Variants in CCDC3 observed in about 807,000 individuals in gnomAD.
CCDC3 encodes coiled-coil domain containing 3.
Under a neutral mutation model 21.4 loss-of-function variants are expected in CCDC3, and 24 were observed. That is an observed-to-expected ratio of 1.12 (90% CI 0.81 to 1.58). The LOEUF (loss-of-function observed/expected upper bound fraction) is 1.58. CCDC3 is among the 40% of genes most tolerant of loss of function. CCDC3 has a pLI of 0.00. For synonymous variants in CCDC3, 186 were observed against 166.0 expected (o/e 1.12, Z -0.93); for missense variants, 425 against 360.9 (o/e 1.18, Z -1.44).
intron 2 of CCDC3, among the ~76,000 whole-genome samples, chr10:12,915,272 C>G (rs1834333961): frequency 6.6e-6 from 1 of 152,302 alleles, no homozygotes; most frequent in South Asian, 2.1e-4. Context: ...GGAGAATTCT[C>G]TGTGTGCACC....
At chr10:12,921,637 T>C (rs1036930097) in intron 2 of CCDC3, among the ~76,000 whole-genome samples, 3 of 152,268 alleles carry the variant, frequency 2.0e-5, no homozygotes, top group Non-Finnish European at 4.4e-5. Flanking sequence ...TACAATTACA[T>C]TGTTGTGCAA....
At chr10:12,995,898 A>G (rs1216784424) in intron 2 of CCDC3, among the ~76,000 whole-genome samples, 1 of 152,234 alleles carries the variant, frequency 6.6e-6, no homozygotes, top group Non-Finnish European at 1.5e-5. Context: ...TGATGGAAAA[A>G]TCTAATTCCA....
At chr10:12,926,998 A>C (rs1185496194) in intron 2 of CCDC3, among the ~76,000 whole-genome samples, 1 of 152,212 alleles carries the variant, frequency 6.6e-6, no homozygotes, top group Non-Finnish European at 1.5e-5. Context: ...TTGGAAAAAA[A>C]GGGATGTTAA....
intron 2 of CCDC3, among the ~76,000 whole-genome samples, chr10:12,914,600 A>G (rs750634490): frequency 2.0e-5 from 3 of 151,864 alleles, no homozygotes; most frequent in Non-Finnish European, 4.4e-5. Flanking sequence ...ATACACCACC[A>G]TGCCTGGTTA....
intron 2 of CCDC3, among the ~76,000 whole-genome samples, chr10:12,961,148 A>G (rs541203138): frequency 6.6e-6 from 1 of 152,288 alleles, no homozygotes; most frequent in South Asian, 2.1e-4. Flanking sequence ...TGGGAATTCC[A>G]CAGACCTAAG....
intron 2 of CCDC3, among the ~76,000 whole-genome samples, chr10:12,928,498 G>A (rs1217708045): frequency 6.6e-6 from 1 of 152,166 alleles, no homozygotes; most frequent in East Asian, 1.9e-4. Flanking sequence ...CATGATCAGT[G>A]ATCCATTTTC....
At chr10:12,930,278 C>A (rs1290078784) in intron 2 of CCDC3, among the ~76,000 whole-genome samples, 1 of 152,132 alleles carries the variant, frequency 6.6e-6, no homozygotes, top group African/African-American at 2.4e-5. Flanking sequence ...TTTGGTTTTG[C>A]ATTGTGCCCT....
In CCDC3 at chr10:12,919,806, CTA is replaced by C. The variant is rs1031830940; in HGVS notation, c.550-21129_550-21128del. On this transcript the variant is annotated intron_variant, in intron 2 of 2. Transcript: ENST00000378825. ...GGCATGCAGCTCCCAGGGAGATGTG[CTA>C]TGATTAAATCCTTGCCCTGCAGGGA... 7.8e-4 allele frequency among the ~76,000 whole-genome samples: 119 copies of C among 152,278 alleles called. 1 individual carries two copies. Among genetic ancestry groups the C allele is most frequent in the African/African-American group, 2.7e-3 (111 of 41,564 alleles).
chr10:12,916,652 G>A (rs1289884762), intron 2 of CCDC3, among the ~76,000 whole-genome samples: 1 of 151,598 alleles, frequency 6.6e-6, no homozygotes, highest in Non-Finnish European at 1.5e-5. Context: ...CCTGGGGCCA[G>A]GGGTGCCAAC....
chr10:13,014,856 T>C (rs1836032210), intron 5 of CCDC3, among the ~76,000 whole-genome samples: 1 of 152,154 alleles, frequency 6.6e-6, no homozygotes, highest in Non-Finnish European at 1.5e-5. Flanking sequence ...AAGTATATTA[T>C]GCAGCTACAA....
At chr10:12,950,659 T>C (rs971703863) in intron 2 of CCDC3, among the ~76,000 whole-genome samples, 1 of 152,226 alleles carries the variant, frequency 6.6e-6, no homozygotes, top group African/African-American at 2.4e-5. Flanking sequence ...CTCTCCTGTA[T>C]ACTGTTAGAA....
At chr10:12,998,581 C>T in intron 1 of CCDC3, 69 bp from the exon 2 acceptor site, 2 of 1,458,278 alleles carry the variant, frequency 1.4e-6, no homozygotes, top group Non-Finnish European at 1.9e-6. Flanking sequence ...AATCCAGAGT[C>T]ACAGACAACT....
intron 2 of CCDC3, among the ~76,000 whole-genome samples, chr10:12,930,064 A>C (rs1411693507): frequency 2.6e-5 from 4 of 152,232 alleles, no homozygotes; most frequent in African/African-American, 7.2e-5. Context: ...ATAATGGGAA[A>C]TGCTAGTTGG....
At chr10:12,979,848 G>C (rs1287772162) in intron 2 of CCDC3, among the ~76,000 whole-genome samples, 1 of 152,126 alleles carries the variant, frequency 6.6e-6, no homozygotes, top group African/African-American at 2.4e-5. Context: ...ACCTTCAGTA[G>C]GACAGTTTTG....
At chr10:12,992,067 T>TAA (rs34433198) in intron 2 of CCDC3, among the ~76,000 whole-genome samples, 22 of 145,828 alleles carry the variant, frequency 1.5e-4, no homozygotes, top group South Asian at 4.4e-4. Context: ...ATATTTGGAT[T>TAA]AAAAAAAAAA....
At position 13,065,656 on chromosome 10, in the gene CCDC3, C is replaced by T. The variant is rs77199063; in HGVS notation, c.-270+8212G>A. ...CAACAGTCAGGGCCCAGGCAATGTC[C>T]TACCCCCTCCACAGAATAGCTCCTC... On this transcript the variant is annotated intron_variant, in intron 4 of 6. Coordinates refer to the CCDC3 transcript ENST00000378839. 6.1e-3 allele frequency among the ~76,000 whole-genome samples: 933 copies of T among 152,306 alleles called. 40 individuals carry two copies. In the South Asian group the frequency reaches 0.087, roughly 14 times the overall value.
chr10:13,023,875 C>A (rs1023624102), intron 5 of CCDC3, among the ~76,000 whole-genome samples: 2 of 152,136 alleles, frequency 1.3e-5, no homozygotes, highest in African/African-American at 4.8e-5. Flanking sequence ...CTGGCCTACA[C>A]ACACCCAATA....
intron 2 of CCDC3, among the ~76,000 whole-genome samples, chr10:12,935,278 G>A (rs1261681513): frequency 6.6e-6 from 1 of 152,030 alleles, no homozygotes; most frequent in Admixed American, 6.5e-5. Flanking sequence ...GAGTGCAGTG[G>A]CACAATTTCA....
intron 5 of CCDC3, among the ~76,000 whole-genome samples, chr10:13,019,032 G>A (rs1836109525): frequency 6.6e-6 from 1 of 152,028 alleles, no homozygotes. Flanking sequence ...AGGAGATCGA[G>A]ACCATCCTGG....
Sources: allele counts gnomAD v4.1 joint callset (sites outside exome capture counted in the v4.1 genomes callset), GRCh38; gene constraint gnomAD v4.1.1; transcripts MANE v1.5; gene names NCBI Gene and HGNC (gene_info 2026-07-23, HGNC 2026-07-21).